TULP4: variants seen among roughly 807,000 people sequenced by gnomAD.
TULP4 encodes tubby-related protein 4.
A neutral mutation model predicts 129.0 loss-of-function variants in TULP4; 16 were observed. The ratio of observed to expected loss-of-function variants is 0.12; its 90% CI spans 0.08 to 0.19. TULP4 has a LOEUF of 0.19. Ranked by LOEUF, TULP4 falls within the 10% of genes least tolerant of loss-of-function variation. The pLI, the probability that TULP4 is intolerant of heterozygous loss-of-function variation, is 1.00. For missense variants in TULP4, 1,842 were observed against 2,059.1 expected, an observed-to-expected ratio of 0.89 and a Z score of 2.04; for synonymous variants, 998 against 854.0, an observed-to-expected ratio of 1.17 and a Z score of -2.94.
intron 1 of TULP4, among the ~76,000 whole-genome samples, chr6:158,293,085 A>G (rs1223243014): frequency 6.6e-6 from 1 of 152,164 alleles, no homozygotes; most frequent in East Asian, 1.9e-4. Flanking sequence ...TAAACTACTA[A>G]TCAAGCAGTT....
upstream of TULP4, among the ~76,000 whole-genome samples, chr6:158,309,263 C>T (rs1398381830): frequency 1.5e-4 from 21 of 139,186 alleles, no homozygotes; most frequent in African/African-American, 1.9e-4. Flanking sequence ...GGGTCGCGGC[C>T]GGGCAGAGGC....
At chr6:158,506,304 T>A (rs963668796) in intron 13 of TULP4, among the ~76,000 whole-genome samples, 4 of 128,844 alleles carry the variant, frequency 3.1e-5, no homozygotes, top group Non-Finnish European at 6.3e-5. Context: ...CAATCTCAGC[T>A]CACTGCAAGC....
chr6:158,307,623 G>T (rs1419853521), upstream of TULP4, among the ~76,000 whole-genome samples: 1 of 151,962 alleles, frequency 6.6e-6, no homozygotes, highest in Non-Finnish European at 1.5e-5. Context: ...CTGGGACTAC[G>T]GGCACCTGCC....
intron 2 of TULP4, among the ~76,000 whole-genome samples, chr6:158,415,362 T>C (rs1778183717): frequency 6.6e-6 from 1 of 150,472 alleles, no homozygotes; most frequent in South Asian, 2.1e-4. Flanking sequence ...TTTTTTTTTT[T>C]TTTTTGAGAC....
Position 158,503,284 on chromosome 6 carries a change from C to G in TULP4, c.3621C>G (p.Cys1207Trp). The change falls in exon 13 of 14, where the codon TGC (cysteine) becomes TGG (tryptophan). Residue 1207 changes from cysteine (C) to tryptophan (W), a missense_variant. Transcript: ENST00000367097. The surrounding 1 kb of genome is among the most constrained non-coding windows in gnomAD (Gnocchi z 4.3). ...NPPLPGVQAP[C>W]SPKDALSPTQ... ...CTTTGCCTGGAGTGCAGGCTCCCTG[C>G]TCTCCCAAAGATGCCCTGTCCCCAA... 6.2e-7 allele frequency: 1 copy of G among 1,613,966 alleles called. No homozygotes were observed. Among genetic ancestry groups the G allele is most frequent in the Non-Finnish European group, 8.5e-7 (1 of 1,180,000 alleles).
intron 9 of TULP4, 73 bp downstream of exon 9, chr6:158,489,805 C>A: frequency 1.3e-6 from 2 of 1,568,508 alleles, no homozygotes; most frequent in South Asian, 1.2e-5. Context: ...GCAACAGAAT[C>A]GCATTGAAAC....
intron 2 of TULP4, among the ~76,000 whole-genome samples, chr6:158,421,784 T>G (rs1367958468): frequency 6.6e-6 from 1 of 152,244 alleles, no homozygotes; most frequent in African/African-American, 2.4e-5. Flanking sequence ...TTTTCTTGTC[T>G]TGTAATGTTA....
chr6:158,321,887 T>C lies in TULP4; in HGVS notation c.252+7619T>C, dbSNP rs185115552. The stretch of plus-strand genomic sequence containing the variant: ...TTTTCTTTTTCCTAAAAACATTGTA[T>C]GACACATCTTAATTCCAAAAAGGAT... On this transcript the variant is annotated intron_variant, in intron 1 of 13. Transcript: ENST00000367097. Among the ~76,000 whole-genome samples the C allele has an allele frequency of 2.6e-5, 4 of 152,354 alleles. No homozygotes were observed. The East Asian group carries it at 7.7e-4, about 29-fold the overall frequency.
chr6:158,312,257 A>C (rs1054412392), upstream of TULP4: 1 of 396,738 alleles, frequency 2.5e-6, no homozygotes, highest in African/African-American at 2.1e-5. Context: ...TTAATTTAAG[A>C]ATCAGATGGA....
chr6:158,292,720 C>T (rs1169114344), intron 1 of TULP4, among the ~76,000 whole-genome samples: 1 of 152,112 alleles, frequency 6.6e-6, no homozygotes, highest in Non-Finnish European at 1.5e-5. Flanking sequence ...ATATTTTTCC[C>T]TTATACAAAC....
intron 3 of TULP4, among the ~76,000 whole-genome samples, chr6:158,433,018 A>T (rs935125728): frequency 7.2e-5 from 11 of 152,194 alleles, no homozygotes; most frequent in African/African-American, 2.6e-4. Context: ...CTACCTTTTT[A>T]TTTCCCTAAT....
At chr6:158,336,137 A>G (rs1562525062) in intron 1 of TULP4, among the ~76,000 whole-genome samples, 1 of 152,208 alleles carries the variant, frequency 6.6e-6, no homozygotes, top group Admixed American at 6.5e-5. Context: ...AATATGGTAG[A>G]AGAAAATGGC....
chr6:158,316,865 G>A (rs1031649351), intron 1 of TULP4, among the ~76,000 whole-genome samples: 2 of 152,174 alleles, frequency 1.3e-5, no homozygotes, highest in African/African-American at 2.4e-5. Context: ...GAGGACCTCC[G>A]GTCTTAGAGG....
chr6:158,505,744 G>A (rs1047507143), intron 13 of TULP4, among the ~76,000 whole-genome samples: 3 of 152,176 alleles, frequency 2.0e-5, no homozygotes, highest in Non-Finnish European at 2.9e-5. Flanking sequence ...GACAGTGGTG[G>A]TGCTACTTCT....
intron 6 of TULP4, among the ~76,000 whole-genome samples, chr6:158,467,315 T>C (rs180975089): frequency 1.8e-3 from 273 of 151,296 alleles, no homozygotes; most frequent in African/African-American, 6.3e-3. Context: ...GTTTCGCTCT[T>C]GTTGCCCAAG....
Position 158,418,361 on chromosome 6 carries a change from G to C in TULP4, c.381+5168G>C, listed in dbSNP as rs755368551. Among the ~76,000 whole-genome samples, 451 of 150,626 alleles carry C rather than the reference G, an allele frequency of 3.0e-3. 1 individual carries two copies. The highest frequency in any genetic ancestry group is 5.2e-3 in the Non-Finnish European group (353 of 67,822). On this transcript the variant is annotated intron_variant, in intron 2 of 13. Coordinates refer to ENST00000367097, the MANE Select transcript of TULP4 (RefSeq NM_020245.5). The stretch of plus-strand genomic sequence containing the variant: ...GGGCTCAGGTGATCCACCCGTCTTG[G>C]CCTCCCAAAGTGCTGGAATTGCAGG...
At chr6:158,356,244 T>TA (rs758798645) in intron 1 of TULP4, among the ~76,000 whole-genome samples, 55 of 151,902 alleles carry the variant, frequency 3.6e-4, no homozygotes, top group Non-Finnish European at 5.4e-4. Flanking sequence ...ATATTGAGGA[T>TA]AAAAAAAGGA....
chr6:158,333,180 T>C, intron 1 of TULP4, among the ~76,000 whole-genome samples: 1 of 152,196 alleles, frequency 6.6e-6, no homozygotes, highest in Admixed American at 6.5e-5. Flanking sequence ...GTTTGTATCC[T>C]CCAAAAATTC....
chr6:158,473,738 C>G (rs1459370036), intron 6 of TULP4, among the ~76,000 whole-genome samples: 1 of 152,078 alleles, frequency 6.6e-6, no homozygotes, highest in Non-Finnish European at 1.5e-5. Flanking sequence ...TCAGGCTGGT[C>G]TCAAACTCCT....
Sources: gnomAD v4.1 joint callset for allele counts (sites outside exome capture counted in the v4.1 genomes callset) on GRCh38, gnomAD v4.1.1 for gene constraint, Gnocchi (gnomAD v3.1) non-coding constraint, MANE v1.5 for transcripts, NCBI Gene and HGNC (gene_info 2026-07-23, HGNC 2026-07-21) for gene names.